Variants in GLCCI1 observed in about 807,000 individuals in gnomAD.
The protein encoded by GLCCI1 is glucocorticoid-induced transcript 1 protein.
GLCCI1 carries 24 observed loss-of-function variants against 52.2 expected under a neutral mutation model. That is an observed-to-expected ratio of 0.46 (90% confidence interval 0.33 to 0.65). The LOEUF is 0.65. GLCCI1 is among the 30% of genes least tolerant of loss of function. The pLI, the probability that GLCCI1 is intolerant of heterozygous loss-of-function variation, is 0.02. For missense variants in GLCCI1, 704 were observed against 701.5 expected, an observed-to-expected ratio of 1.00 and a Z score of -0.04; for synonymous variants, 310 against 276.5, an observed-to-expected ratio of 1.12 and a Z score of -1.20.
At chr7:8,026,001 T>G (rs1323130721) in intron 3 of GLCCI1, among the ~76,000 whole-genome samples, 1 of 152,202 alleles carries the variant, frequency 6.6e-6, no homozygotes, top group African/African-American at 2.4e-5. Flanking sequence ...TATATTAGTT[T>G]GTATCCATAG....
intron 3 of GLCCI1, among the ~76,000 whole-genome samples, chr7:8,050,697 AAGATTTATCTCCT>A (rs78135572): frequency 0.055 from 8,430 of 152,218 alleles, 362 homozygotes; most frequent in East Asian, 0.19. Flanking sequence ...TAATTTTTGT[AAGATTTATCTCCT>A]TGTGAGTTGT....
chr7:8,020,685 CT>C (rs200196919), intron 2 of GLCCI1, among the ~76,000 whole-genome samples: 1,929 of 152,100 alleles, frequency 0.013, 24 homozygotes, highest in Middle Eastern at 0.055. Context: ...GTGGAAAATG[CT>C]AAAAATTTGA....
At chr7:7,995,699 A>C (rs1780925042) in intron 1 of GLCCI1, among the ~76,000 whole-genome samples, 1 of 152,190 alleles carries the variant, frequency 6.6e-6, no homozygotes, top group East Asian at 1.9e-4. Context: ...GGAATTGAAC[A>C]GTGAGAACAC....
At chr7:8,070,056 GA>G (rs1562449551) in intron 5 of GLCCI1, 1 of 152,202 alleles carries the variant, frequency 6.6e-6, no homozygotes, top group African/African-American at 2.4e-5. Flanking sequence ...TACAGAAGCA[GA>G]GTAGTAAAGT....
At chr7:8,066,782 A>G (rs1457705418) in intron 5 of GLCCI1, among the ~76,000 whole-genome samples, 3 of 151,846 alleles carry the variant, frequency 2.0e-5, no homozygotes, top group Non-Finnish European at 4.4e-5. Flanking sequence ...GAATTTGTAG[A>G]GGATTGTTTT....
intron 2 of GLCCI1, among the ~76,000 whole-genome samples, chr7:8,019,596 G>A (rs1160002567): frequency 2.6e-5 from 4 of 152,066 alleles, no homozygotes; most frequent in South Asian, 4.1e-4. Context: ...GAAATGCATC[G>A]TTAGGCATTC....
At chr7:8,060,983 T>C (rs931563660) in intron 5 of GLCCI1, among the ~76,000 whole-genome samples, 3 of 152,148 alleles carry the variant, frequency 2.0e-5, no homozygotes, top group African/African-American at 7.2e-5. Flanking sequence ...CACTTGTAAT[T>C]ATCTGTCCTT....
intron 2 of GLCCI1, among the ~76,000 whole-genome samples, chr7:8,016,295 C>T (rs945736716): frequency 6.6e-6 from 1 of 152,056 alleles, no homozygotes; most frequent in East Asian, 1.9e-4. Flanking sequence ...TGGTGAAACC[C>T]CGTCTCTACT....
intron 1 of GLCCI1, among the ~76,000 whole-genome samples, chr7:8,003,076 G>A (rs1583962299): frequency 1.3e-5 from 2 of 152,282 alleles, no homozygotes; most frequent in Admixed American, 1.3e-4. Context: ...TTTTTGTATA[G>A]CTCTGAATAA....
chr7:7,998,176 G>GTTT (rs71014742), intron 1 of GLCCI1, among the ~76,000 whole-genome samples: 1 of 143,732 alleles, frequency 7.0e-6, no homozygotes, highest in African/African-American at 2.5e-5. Context: ...AGTTTTTTTT[G>GTTT]TTTTTTTTTT....
At chr7:8,042,827 G>A (rs1451815923) in intron 3 of GLCCI1, among the ~76,000 whole-genome samples, 2 of 152,208 alleles carry the variant, frequency 1.3e-5, no homozygotes, top group African/African-American at 4.8e-5. Flanking sequence ...CATAAACCTA[G>A]TTGATAAAGA....
chr7:8,088,691 GCTT>G lies in GLCCI1; in HGVS notation c.*2154_*2156del, dbSNP rs1378709327. On this transcript the variant is annotated 3_prime_UTR_variant, in exon 8 of 8. Coordinates refer to ENST00000223145, the MANE Select transcript of GLCCI1 (RefSeq NM_138426.4). ...AATTTCAGAAAAATGGACTGAATATGCTTTTTTGGTGATGAAATCTCATGTACG... is the reference window on the plus strand; with the variant it reads ...AATTTCAGAAAAATGGACTGAATATGTTTTGGTGATGAAATCTCATGTACG... 1 of 152,544 alleles carries G rather than the reference GCTT, an allele frequency of 6.6e-6. No homozygotes were observed. The highest frequency in any genetic ancestry group is 2.1e-4 in the South Asian group (1 of 4,824). The allele number at this position is 152,544 out of a possible 1,614,324, so 9.4% of individuals were successfully genotyped here. A position where few individuals can be genotyped will look rare whatever the true frequency, so the allele number is the denominator to read the frequency against.
At position 8,085,001 on chromosome 7, in the gene GLCCI1, G is replaced by A; in HGVS notation, c.1282G>A (p.Val428Ile). ...EPPEGCERVKVFEEMASRQPI... is the reference protein window; with the variant it reads ...EPPEGCERVKIFEEMASRQPI... ...CCCAGAGGGATGTGAGCGAGTGAAG[G>A]TCTTTGAGGAAATGGCGTAAGTAAT... The change falls in exon 7 of 8, where the codon GTC becomes ATC. Residue 428 changes from valine to isoleucine, a missense_variant. Val to Ile is a conservative substitution (Grantham distance 29). Transcript: ENST00000223145. The A allele has an allele frequency of 6.2e-7, 1 of 1,614,104 alleles. No homozygotes were observed. Among genetic ancestry groups the A allele is most frequent in the Non-Finnish European group, 8.5e-7 (1 of 1,179,994 alleles).
intron 3 of GLCCI1, among the ~76,000 whole-genome samples, chr7:8,039,915 T>C (rs1392582284): frequency 6.6e-5 from 10 of 150,980 alleles, no homozygotes; most frequent in Non-Finnish European, 1.5e-4. Context: ...GAGAACCACT[T>C]GCACCCAGGA....
chr7:8,010,422 A>G (rs1487347074), intron 2 of GLCCI1, among the ~76,000 whole-genome samples: 2 of 152,150 alleles, frequency 1.3e-5, no homozygotes, highest in African/African-American at 4.8e-5. Context: ...TCGAATTTCC[A>G]CTTTAGGAAT....
At chr7:7,995,081 G>A (rs1661089932) in intron 1 of GLCCI1, among the ~76,000 whole-genome samples, 1 of 152,202 alleles carries the variant, frequency 6.6e-6, no homozygotes, top group South Asian at 2.1e-4. Flanking sequence ...GTAAAAGCAA[G>A]TGAAAAATTT....
intron 1 of GLCCI1, among the ~76,000 whole-genome samples, chr7:7,971,750 C>G (rs1480759901): frequency 1.3e-5 from 2 of 152,180 alleles, no homozygotes; most frequent in African/African-American, 4.8e-5. Context: ...AAACTATTCT[C>G]TTTGTTGTAG....
At chr7:8,061,380 G>A (rs1481505745) in intron 5 of GLCCI1, among the ~76,000 whole-genome samples, 3 of 151,926 alleles carry the variant, frequency 2.0e-5, no homozygotes, top group African/African-American at 2.4e-5. Flanking sequence ...GATTACAGGC[G>A]TGAGCCACTG....
chr7:8,088,988 T>A lies in GLCCI1; in HGVS notation c.*2450T>A, dbSNP rs1783177913. ...TATTTGAGTTACCATATAATATGGC[T>A]TTACACAAGGAAATGTGTGGCTTTT... On this transcript the variant is annotated 3_prime_UTR_variant, in exon 8 of 8. Transcript: ENST00000223145. 1 of 152,678 alleles carries A rather than the reference T, an allele frequency of 6.5e-6. No homozygotes were observed. Among genetic ancestry groups the A allele is most frequent in the Non-Finnish European group, 1.5e-5 (1 of 68,048 alleles). The allele number at this position is 152,678 out of a possible 1,614,324, so 9.5% of individuals were successfully genotyped here.
Sources: gnomAD v4.1 joint callset for allele counts (sites outside exome capture counted in the v4.1 genomes callset) on GRCh38, gnomAD v4.1.1 for gene constraint, MANE v1.5 for transcripts, NCBI Gene and HGNC (gene_info 2026-07-23, HGNC 2026-07-21) for gene names.